ULK4: variants seen among roughly 807,000 people sequenced by gnomAD.
The protein encoded by ULK4 is unc-51 like kinase 4.
A neutral mutation model predicts 160.6 loss-of-function variants in ULK4; 133 were observed. The observed-to-expected ratio is 0.83, with a 90% CI of 0.72 to 0.96. ULK4 has a LOEUF of 0.96. Among genes scored for constraint, ULK4 ranks in the 40% least tolerant of loss-of-function variants. The probability of loss-of-function intolerance (pLI) is 0.00; values close to 1 mark genes in which losing one functional copy is unlikely to be tolerated. For synonymous variants in ULK4, 534 were observed against 539.8 expected, an observed-to-expected ratio of 0.99 and a Z score of 0.15; for missense variants, 1,580 against 1,499.5, an observed-to-expected ratio of 1.05 and a Z score of -0.89.
chr3:41,607,909 C>A (rs1424476503), intron 31 of ULK4, among the ~76,000 whole-genome samples: 1 of 152,108 alleles, frequency 6.6e-6, no homozygotes, highest in Non-Finnish European at 1.5e-5. Flanking sequence ...CCATTTTTGA[C>A]AAAAGACATA....
chr3:41,541,571 A>T (rs2086696199), intron 32 of ULK4, among the ~76,000 whole-genome samples: 1 of 152,192 alleles, frequency 6.6e-6, no homozygotes, highest in Non-Finnish European at 1.5e-5. Flanking sequence ...GAAAAAAGTC[A>T]ATGGTAGCTT....
chr3:41,549,731 A>G (rs2086994736), intron 32 of ULK4, among the ~76,000 whole-genome samples: 1 of 152,100 alleles, frequency 6.6e-6, no homozygotes, highest in Admixed American at 6.6e-5. Context: ...GGTCTTCTCT[A>G]AGGCACATTA....
intron 35 of ULK4, among the ~76,000 whole-genome samples, chr3:41,365,360 T>A (rs184737042): frequency 1.3e-5 from 2 of 152,340 alleles, no homozygotes; most frequent in African/African-American, 4.8e-5. Flanking sequence ...TAGTCTCAAA[T>A]AACCAGCAGA....
chr3:41,463,461 T>C (rs2083745062), intron 32 of ULK4, among the ~76,000 whole-genome samples: 1 of 152,184 alleles, frequency 6.6e-6, no homozygotes, highest in South Asian at 2.1e-4. Flanking sequence ...AAATACTTGT[T>C]AAAGAAGTTC....
At position 41,931,902 on chromosome 3, in the gene ULK4, T is replaced by C; in HGVS notation, c.483A>G (p.Glu161=). The C allele has an allele frequency of 6.2e-7, 1 of 1,614,112 alleles. No individual in the cohort carries two copies. The highest frequency in any genetic ancestry group is 1.1e-5 in the South Asian group (1 of 91,066). The change falls in exon 5 of 37, where the codon GAA becomes GAG. Residue 161 remains glutamate, a synonymous_variant. Transcript: ENST00000301831. The part of the protein sequence containing the change: ...EEFFALVAAE[E]GGGDNGENVL... Reference sequence around the variant, plus strand: ...CATTTTCCCCATTATCACCTCCTCCTTCCTCTGCTGCCACCAAAGCAAAGA... The same window carrying C: ...CATTTTCCCCATTATCACCTCCTCCCTCCTCTGCTGCCACCAAAGCAAAGA...
At chr3:41,482,314 C>T (rs1221911760) in intron 32 of ULK4, among the ~76,000 whole-genome samples, 2 of 152,150 alleles carry the variant, frequency 1.3e-5, no homozygotes, top group Admixed American at 1.3e-4. Context: ...AAATGGCATC[C>T]TTCTGAGAAA....
At position 41,634,187 on chromosome 3, in the gene ULK4, G is replaced by A. The variant is rs1266170140; in HGVS notation, c.3072-18470C>T. Among the ~76,000 whole-genome samples, 9 of 152,224 alleles carry A rather than the reference G, an allele frequency of 5.9e-5. No homozygotes were observed. In the East Asian group the frequency reaches 1.7e-3, roughly 29 times the overall value. ...GCCTAATTTTCTGACCCATTACCAGGGATCCTTCACATGGGGAACTTGCTT... is the reference window on the plus strand; with the variant it reads ...GCCTAATTTTCTGACCCATTACCAGAGATCCTTCACATGGGGAACTTGCTT... On this transcript the variant is annotated intron_variant, in intron 30 of 36. Transcript: ENST00000301831.
At chr3:41,847,860 T>C (rs1559604113) in intron 17 of ULK4, among the ~76,000 whole-genome samples, 1 of 152,116 alleles carries the variant, frequency 6.6e-6, no homozygotes, top group Non-Finnish European at 1.5e-5. Flanking sequence ...GTTTCACAAG[T>C]GTTGGTTAAA....
In ULK4 at chr3:41,574,952, G is replaced by A. The variant is rs571596094; in HGVS notation, c.3121-8822C>T. 2.6e-5 allele frequency among the ~76,000 whole-genome samples: 4 copies of A among 152,292 alleles called. No individual in the cohort carries two copies. In the East Asian group the frequency reaches 7.7e-4, roughly 29 times the overall value. ...AAACACTGGTTCACGTAGGCCCAAGGTCATGGCTACCACAGCCCAGTTTCT... is the reference window on the plus strand; with the variant it reads ...AAACACTGGTTCACGTAGGCCCAAGATCATGGCTACCACAGCCCAGTTTCT... On this transcript the variant is annotated intron_variant, in intron 31 of 36. Coordinates refer to ENST00000301831, the MANE Select transcript of ULK4 (RefSeq NM_017886.4).
At chr3:41,723,893 C>T (rs2125855279) in intron 22 of ULK4, among the ~76,000 whole-genome samples, 1 of 152,310 alleles carries the variant, frequency 6.6e-6, no homozygotes, top group East Asian at 1.9e-4. Context: ...CTGGAACACT[C>T]TGCATGTGCT....
chr3:41,262,103 T>C (rs1346615423), intron 35 of ULK4, among the ~76,000 whole-genome samples: 2 of 152,164 alleles, frequency 1.3e-5, no homozygotes, highest in South Asian at 2.1e-4. Context: ...CTTCCCTCCA[T>C]TGCTTCCTGC....
intron 32 of ULK4, among the ~76,000 whole-genome samples, chr3:41,527,982 A>G (rs1262966557): frequency 6.6e-6 from 1 of 152,244 alleles, no homozygotes; most frequent in Non-Finnish European, 1.5e-5. Flanking sequence ...AGAATTATAA[A>G]TGTATGACAC....
At chr3:41,860,620 G>A (rs1210219999) in intron 17 of ULK4, among the ~76,000 whole-genome samples, 1 of 152,104 alleles carries the variant, frequency 6.6e-6, no homozygotes, top group Non-Finnish European at 1.5e-5. Context: ...GTCTATATAG[G>A]TGAAGTGTGT....
At chr3:41,501,614 A>T (rs2085211388) in intron 32 of ULK4, among the ~76,000 whole-genome samples, 1 of 152,212 alleles carries the variant, frequency 6.6e-6, no homozygotes, top group Admixed American at 6.5e-5. Context: ...GGAATAATTA[A>T]ATCAAGCTAA....
chr3:41,794,713 G>A (rs1282768214), intron 20 of ULK4, among the ~76,000 whole-genome samples: 1 of 123,214 alleles, frequency 8.1e-6, no homozygotes, highest in Non-Finnish European at 1.7e-5. Flanking sequence ...ACAAACCTGT[G>A]TATAAATACA....
chr3:41,519,610 G>C (rs1362376989), intron 32 of ULK4, among the ~76,000 whole-genome samples: 1 of 152,114 alleles, frequency 6.6e-6, no homozygotes, highest in African/African-American at 2.4e-5. Flanking sequence ...GGAAAAACAG[G>C]GGCAGGAGAA....
intron 35 of ULK4, among the ~76,000 whole-genome samples, chr3:41,352,786 T>C (rs553960800): frequency 5.9e-5 from 9 of 152,170 alleles, no homozygotes; most frequent in African/African-American, 2.2e-4. Flanking sequence ...AACAGGAGAG[T>C]GCGTGGCTTG....
intron 34 of ULK4, among the ~76,000 whole-genome samples, chr3:41,401,196 A>G (rs566252162): frequency 7.9e-5 from 12 of 152,314 alleles, no homozygotes; most frequent in African/African-American, 2.9e-4. Context: ...GCAAGAACAA[A>G]AAACTCTTTG....
intron 5 of ULK4, among the ~76,000 whole-genome samples, chr3:41,920,200 C>G (rs1699136136): frequency 6.6e-6 from 1 of 152,172 alleles, no homozygotes; most frequent in African/African-American, 2.4e-5. Flanking sequence ...CTCTGATCCT[C>G]ATAGTCACTC....
Sources: allele counts gnomAD v4.1 joint callset (sites outside exome capture counted in the v4.1 genomes callset), GRCh38; gene constraint gnomAD v4.1.1; transcripts MANE v1.5; gene names NCBI Gene and HGNC (gene_info 2026-07-23, HGNC 2026-07-21).